The following FRYL variants were observed in gnomAD, a reference collection of about 807,000 sequenced individuals.
The protein encoded by FRYL is FRY like transcription coactivator, also known as protein furry homolog-like.
A neutral mutation model predicts 351.2 loss-of-function variants in FRYL; 150 were observed. The ratio of observed to expected loss-of-function variants is 0.43; its 90% CI spans 0.37 to 0.49. The LOEUF is 0.49. Ranked by LOEUF, FRYL falls within the 20% of genes least tolerant of loss-of-function variation. The probability of loss-of-function intolerance (pLI) is 0.00; values close to 1 mark genes in which losing one functional copy is unlikely to be tolerated. For synonymous variants in FRYL, 1,153 were observed against 1,257.1 expected, an observed-to-expected ratio of 0.92 and a Z score of 1.75; for missense variants, 3,036 against 3,619.3, an observed-to-expected ratio of 0.84 and a Z score of 4.13.
At chr4:48,557,184 T>C (rs557082165) in intron 34 of FRYL, 66 bp from the exon 35 acceptor site, 264 of 1,511,212 alleles carry the variant, frequency 1.7e-4, no homozygotes, top group Non-Finnish European at 2.2e-4. Context: ...AAACTTGTCA[T>C]ACCATGAAAT....
At chr4:48,763,177 G>C (rs999234211) in intron 1 of FRYL, among the ~76,000 whole-genome samples, 3 of 150,632 alleles carry the variant, frequency 2.0e-5, no homozygotes, top group Non-Finnish European at 3.0e-5. Context: ...TAAATACTTG[G>C]AGGCCAGGCA....
intron 2 of FRYL, among the ~76,000 whole-genome samples, chr4:48,707,826 CT>C (rs879274504): frequency 9.1e-4 from 131 of 143,580 alleles, no homozygotes; most frequent in Admixed American, 1.4e-3. Flanking sequence ...ATTTCTTTTT[CT>C]TTTTTTTTTT....
At chr4:48,559,592 G>A (rs1421235940) in intron 33 of FRYL, among the ~76,000 whole-genome samples, 7 of 132,840 alleles carry the variant, frequency 5.3e-5, no homozygotes, top group Non-Finnish European at 8.0e-5. Flanking sequence ...CAGCTACTGG[G>A]GAGGTTGAGG....
At position 48,557,052 on chromosome 4, in the gene FRYL, T is replaced by C; in HGVS notation, c.4192A>G (p.Lys1398Glu). Residue 1398 changes from lysine (K) to glutamate (E), a missense_variant, in exon 35 of 64, where the codon AAA (lysine) becomes GAA (glutamate). Transcript: ENST00000358350. ...VWTTLADGWP[K>E]NLKIILHFLI... The stretch of plus-strand genomic sequence containing the variant: ...AAGTGCAAAATTATTTTCAGGTTTT[T>C]GGGCCAGCCATCTGCAAGTGTGGTC... 6.2e-7 allele frequency: 1 copy of C among 1,608,402 alleles called. No individual in the cohort carries two copies. The highest frequency in any genetic ancestry group is 1.1e-5 in the South Asian group (1 of 90,276).
chr4:48,642,734 G>C (rs1188557363), intron 3 of FRYL, among the ~76,000 whole-genome samples: 5 of 151,934 alleles, frequency 3.3e-5, no homozygotes, highest in Non-Finnish European at 7.4e-5. Flanking sequence ...TATTCACTCA[G>C]CTATAGTTTC....
chr4:48,619,010 A>C, intron 7 of FRYL: 1 of 328,236 alleles, frequency 3.0e-6, no homozygotes, highest in Non-Finnish European at 5.5e-6. Flanking sequence ...CTAAAGGTCA[A>C]TATTAACACA....
At chr4:48,544,425 A>G (rs1445106098) in intron 43 of FRYL, among the ~76,000 whole-genome samples, 1 of 152,158 alleles carries the variant, frequency 6.6e-6, no homozygotes, top group East Asian at 1.9e-4. Flanking sequence ...TTTGACTATG[A>G]TTTTCAGAAT....
chr4:48,544,968 A>G (rs577306091), intron 42 of FRYL, 64 bp from the exon 43 acceptor site: 13 of 1,522,180 alleles, frequency 8.5e-6, no homozygotes, highest in Non-Finnish European at 1.1e-5. Context: ...TTGTACTCAC[A>G]CTTGCCTAAA....
rs564066516 is a variant in FRYL at position 48,746,342 on chromosome 4, G to A, written c.-384+33736C>T. On this transcript the variant is annotated intron_variant, in intron 1 of 63. Coordinates refer to ENST00000358350, the MANE Select transcript of FRYL (RefSeq NM_015030.2). ...AGCACTTTGGGAGGCTAAGGTGGGC[G>A]GATCACGAGGTCAGGAGATCGAGAC... Among the ~76,000 whole-genome samples, 12 of 152,014 alleles carry A rather than the reference G, an allele frequency of 7.9e-5. No homozygotes were observed. The South Asian group carries it at 2.1e-3, about 26-fold the overall frequency.
At chr4:48,739,922 C>T (rs889274505) in intron 1 of FRYL, among the ~76,000 whole-genome samples, 6 of 152,178 alleles carry the variant, frequency 3.9e-5, no homozygotes, top group African/African-American at 1.4e-4. Context: ...GAGACCTGAG[C>T]TAGAACACGC....
chr4:48,522,831 A>C, intron 54 of FRYL, 70 bp downstream of exon 54: 1 of 1,120,590 alleles, frequency 8.9e-7, no homozygotes, highest in Non-Finnish European at 1.4e-6. Flanking sequence ...ACAAGAAATA[A>C]TCATTAAGAA....
chr4:48,779,827 C>A (rs1276311496), intron 1 of FRYL, among the ~76,000 whole-genome samples: 3 of 151,530 alleles, frequency 2.0e-5, no homozygotes, highest in Admixed American at 2.0e-4. Flanking sequence ...GGAGCTCGGG[C>A]GGGCTTTCGG....
chr4:48,589,913 A>T lies in FRYL; in HGVS notation c.1508-36T>A, dbSNP rs760394667. The T allele has an allele frequency of 4.1e-5, 62 of 1,522,416 alleles. 1 individual carries two copies. The Middle Eastern group carries it at 2.0e-3, about 50-fold the overall frequency. 94.3% of individuals were successfully genotyped at this position (1,522,416 alleles called of 1,614,324 possible). ...AAACTTCACAGTTATAAAATATCTG[A>T]AATTAGATAAAGAATACTTACTTTC... On this transcript the variant is annotated intron_variant, in intron 17 of 63. Coordinates refer to ENST00000358350, the MANE Select transcript of FRYL (RefSeq NM_015030.2).
chr4:48,658,485 C>T (rs1190480015), intron 3 of FRYL, among the ~76,000 whole-genome samples: 2 of 151,354 alleles, frequency 1.3e-5, no homozygotes, highest in East Asian at 3.9e-4. Context: ...CATCTGTAAT[C>T]CCAACACTCT....
intron 1 of FRYL, among the ~76,000 whole-genome samples, chr4:48,740,776 G>A (rs1404583346): frequency 6.6e-6 from 1 of 152,162 alleles, no homozygotes; most frequent in Non-Finnish European, 1.5e-5. Flanking sequence ...CCAAATGCTG[G>A]TGAGGATGTG....
intron 36 of FRYL, 63 bp downstream of exon 36, chr4:48,553,152 A>G (rs1214322693): frequency 7.5e-7 from 1 of 1,327,262 alleles, no homozygotes; most frequent in Non-Finnish European, 1.1e-6. Flanking sequence ...AATGGTTACC[A>G]TAGTGAAGCA....
chr4:48,550,801 C>A, intron 37 of FRYL, 97 bp from the exon 38 acceptor site: 1 of 930,398 alleles, frequency 1.1e-6, no homozygotes, highest in Non-Finnish European at 1.7e-6. Flanking sequence ...AGGACGGACG[C>A]CATGGTTCAA....
At chr4:48,749,573 G>A (rs759269196) in intron 1 of FRYL, among the ~76,000 whole-genome samples, 1 of 152,074 alleles carries the variant, frequency 6.6e-6, no homozygotes, top group South Asian at 2.1e-4. Flanking sequence ...AATGACTTGC[G>A]GAGGATGGGG....
rs1718807361 is a variant in FRYL, at chr4:48,498,123, T to TAGAG, written c.*1295_*1298dup. On this transcript the variant is annotated 3_prime_UTR_variant, in exon 64 of 64. Coordinates refer to ENST00000358350, the MANE Select transcript of FRYL (RefSeq NM_015030.2). ...TACAAAATGCGATTTTAGAAAAGGA[T>TAGAG]AGAGACTCCAGTTCATGTTATACTA... 1 of 151,890 alleles carries TAGAG rather than the reference T, an allele frequency of 6.6e-6. No individual in the cohort carries two copies. Among genetic ancestry groups the TAGAG allele is most frequent in the African/African-American group, 2.4e-5 (1 of 41,352 alleles). The allele number at this position is 151,890 out of a possible 1,614,324, so 9.4% of individuals were successfully genotyped here.
Sources: allele counts gnomAD v4.1 joint callset (sites outside exome capture counted in the v4.1 genomes callset), GRCh38; gene constraint gnomAD v4.1.1; transcripts MANE v1.5; gene names NCBI Gene and HGNC (gene_info 2026-07-23, HGNC 2026-07-21).